LIN28A: variants seen among roughly 807,000 people sequenced by gnomAD.
LIN28A encodes the protein protein lin-28 homolog A.
LIN28A carries 11 observed loss-of-function variants against 21.1 expected under a neutral mutation model. The observed-to-expected ratio is 0.52, with a 90% confidence interval of 0.33 to 0.86. The LOEUF is 0.86. Among genes scored for constraint, LIN28A ranks in the 40% least tolerant of loss-of-function variants. The pLI is 0.03. For synonymous variants in LIN28A, 111 were observed against 108.7 expected (o/e 1.02, Z -0.13); for missense variants, 219 against 279.8 (o/e 0.78, Z 1.55).
At chr1:26,414,815 A>G (rs1201154728) in intron 2 of LIN28A, among the ~76,000 whole-genome samples, 1 of 152,204 alleles carries the variant, frequency 6.6e-6, no homozygotes, top group African/African-American at 2.4e-5. Context: ...CTTAGGTATG[A>G]CAACCAAAAA....
chr1:26,415,981 G>GCT, intron 2 of LIN28A, among the ~76,000 whole-genome samples: 1 of 152,184 alleles, frequency 6.6e-6, no homozygotes, highest in Admixed American at 6.5e-5. Context: ...TCTAGACAAT[G>GCT]TCTTTTTTTT....
chr1:26,425,189 GTA>G (rs1281682054), intron 2 of LIN28A, 112 bp from the exon 3 acceptor site: 43 of 1,027,754 alleles, frequency 4.2e-5, no homozygotes, highest in Non-Finnish European at 6.1e-5. Context: ...TTCCTTACCA[GTA>G]AAATAGGAGT....
rs1440064082 is a variant in LIN28A, at chr1:26,415,461, C to A, written c.228+3879C>A. Among the ~76,000 whole-genome samples, 4 of 152,192 alleles carry A rather than the reference C, an allele frequency of 2.6e-5. 1 individual carries two copies. In the South Asian group the frequency reaches 8.3e-4, roughly 31 times the overall value. ...TGAGGTACTGGTCTTATACCCTTCT[C>A]TATGTAACCCATAAGCTCTTTGAAG... On this transcript the variant is annotated intron_variant, in intron 2 of 3. Transcript: ENST00000326279.
chr1:26,422,618 G>A (rs2075034281), intron 2 of LIN28A, among the ~76,000 whole-genome samples: 1 of 152,068 alleles, frequency 6.6e-6, no homozygotes, highest in South Asian at 2.1e-4. Context: ...AGTCCTTAGT[G>A]CATCATATTA....
In LIN28A at chr1:26,428,038, A is replaced by C. The variant is rs942379102; in HGVS notation, c.*1580A>C. ...TGATCCTGGGTTCTTGTCTCCCCTA[A>C]ATGCTGCCCCCCAAGTTACTGTATT... On this transcript the variant is annotated 3_prime_UTR_variant, in exon 4 of 4. Transcript: ENST00000326279. 1 of 152,592 alleles carries C rather than the reference A, an allele frequency of 6.6e-6. No individual in the cohort carries two copies. Among genetic ancestry groups the C allele is most frequent in the Admixed American group, 6.5e-5 (1 of 15,276 alleles). The allele number at this position is 152,592 out of a possible 1,614,324, so 9.5% of individuals were successfully genotyped here. A position where few individuals can be genotyped will look rare whatever the true frequency, so the allele number is the denominator to read the frequency against.
rs2075080765 is a variant in LIN28A, at chr1:26,429,538, A to G, written c.*3080A>G. On this transcript the variant is annotated 3_prime_UTR_variant, in exon 4 of 4. Transcript: ENST00000326279. ...TTCCCTCATTCCTGAACTGCAGGAG[A>G]CTGAGCCCCTTTGGGCTTTGGTGAC... 6.6e-6 allele frequency: 1 copy of G among 152,286 alleles called. No homozygotes were observed. Among genetic ancestry groups the G allele is most frequent in the South Asian group, 2.1e-4 (1 of 4,812 alleles). The allele number at this position is 152,286 out of a possible 1,614,324, so 9.4% of individuals were successfully genotyped here.
Position 26,426,366 on chromosome 1 carries a change from C to A in LIN28A, c.538C>A (p.Gln180Lys), listed in dbSNP as rs2075059514. The A allele has an allele frequency of 6.2e-7, 1 of 1,614,188 alleles. No homozygotes were observed. The highest frequency in any genetic ancestry group is 8.5e-7 in the Non-Finnish European group (1 of 1,180,014). Residue 180 changes from glutamine to lysine, a missense_variant, in exon 4 of 4, where the codon CAG (glutamine) becomes AAG (lysine). Transcript: ENST00000326279. ...AGCCTCATGTCCGCTGAAGGCCCAG[C>A]AGGGCCCTAGTGCACAGGGAAAGCC... ...MVASCPLKAQ[Q>K]GPSAQGKPTY... is the part of the protein sequence containing the mutation.
intron 2 of LIN28A, among the ~76,000 whole-genome samples, chr1:26,417,449 A>G (rs2075000514): frequency 6.6e-6 from 1 of 152,210 alleles, no homozygotes; most frequent in Non-Finnish European, 1.5e-5. Context: ...GTGACACCAC[A>G]GGACTGAATC....
intron 2 of LIN28A, among the ~76,000 whole-genome samples, chr1:26,415,604 G>T (rs1267260559): frequency 6.6e-6 from 1 of 151,956 alleles, no homozygotes; most frequent in Non-Finnish European, 1.5e-5. Context: ...GCAGTCTGGG[G>T]TCCATGTTGG....
chr1:26,424,113 A>G (rs2075044648), intron 2 of LIN28A, among the ~76,000 whole-genome samples: 3 of 151,908 alleles, frequency 2.0e-5, no homozygotes, highest in African/African-American at 7.3e-5. Context: ...GATTATAAAA[A>G]TACCACTTGA....
At chr1:26,416,344 G>A (rs2074993439) in intron 2 of LIN28A, among the ~76,000 whole-genome samples, 1 of 152,128 alleles carries the variant, frequency 6.6e-6, no homozygotes, top group African/African-American at 2.4e-5. Flanking sequence ...TTCAAATATG[G>A]GATGTTTCTA....
chr1:26,420,649 A>C (rs1305503303), intron 2 of LIN28A, among the ~76,000 whole-genome samples: 1 of 151,266 alleles, frequency 6.6e-6, no homozygotes, highest in East Asian at 1.9e-4. Context: ...TGGTTCCTTC[A>C]TCTTGATGAA....
chr1:26,415,444 T>C (rs1189369873), intron 2 of LIN28A, among the ~76,000 whole-genome samples: 1 of 152,204 alleles, frequency 6.6e-6, no homozygotes, highest in African/African-American at 2.4e-5. Flanking sequence ...ATTGAGGTAC[T>C]GGTCTTATAC....
intron 2 of LIN28A, among the ~76,000 whole-genome samples, chr1:26,418,847 A>C (rs1398098547): frequency 7.2e-6 from 1 of 138,622 alleles, no homozygotes; most frequent in African/African-American, 2.7e-5. Context: ...GGGAAGGAAG[A>C]ATTTTCTATA....
chr1:26,418,889 A>G (rs1189395022), intron 2 of LIN28A, among the ~76,000 whole-genome samples: 1 of 152,078 alleles, frequency 6.6e-6, no homozygotes, highest in Non-Finnish European at 1.5e-5. Context: ...TAACCCCAAC[A>G]TAGAGAGGAA....
Position 26,411,717 on chromosome 1 carries a change from C to G in LIN28A, c.228+135C>G, listed in dbSNP as rs890558614. The G allele has an allele frequency of 1.2e-6, 1 of 842,014 alleles. No individual in the cohort carries two copies. The highest frequency in any genetic ancestry group is 1.9e-6 in the Non-Finnish European group (1 of 532,502). 52.2% of individuals were successfully genotyped at this position (842,014 alleles called of 1,614,324 possible). A position where few individuals can be genotyped will look rare whatever the true frequency, so the allele number is the denominator to read the frequency against. ...TGCATCCCTGTCTTTGCTTCGGCACCCCAATTCTGAGTCCCTGTTAACTAT... is the reference window on the plus strand; with the variant it reads ...TGCATCCCTGTCTTTGCTTCGGCACGCCAATTCTGAGTCCCTGTTAACTAT... On this transcript the variant is annotated intron_variant, in intron 2 of 3. Transcript: ENST00000326279. This position sits in a 1 kb window ranked among gnomAD's most constrained non-coding sequence, Gnocchi z 5.4.
At position 26,411,464 on chromosome 1, in the gene LIN28A, T is replaced by G; in HGVS notation, c.110T>G (p.Leu37Arg). The G allele has an allele frequency of 1.2e-6, 2 of 1,613,684 alleles. No individual in the cohort carries two copies. The highest frequency in any genetic ancestry group is 1.7e-6 in the Non-Finnish European group (2 of 1,179,842). ...DAARAADEPQ[L>R]LHGAGICKWF... ...GCCCGGGCGGCGGACGAGCCTCAGC[T>G]GCTGCACGGTGCGGGCATCTGTAAG... The change falls in exon 2 of 4, where the codon CTG (leucine) becomes CGG (arginine). Residue 37 changes from leucine to arginine, a missense_variant. This residue lies in a region of LIN28A where 124 missense variants were observed against 193.1 expected (regional missense o/e 0.64). Coordinates refer to ENST00000326279, the MANE Select transcript of LIN28A (RefSeq NM_024674.6). This position sits in a 1 kb window ranked among gnomAD's most constrained non-coding sequence, Gnocchi z 5.4.
chr1:26,414,603 C>T (rs183320326), intron 2 of LIN28A, among the ~76,000 whole-genome samples: 2 of 152,248 alleles, frequency 1.3e-5, no homozygotes, highest in East Asian at 1.9e-4. Flanking sequence ...AACTCTTTTC[C>T]TTAGGTACAC....
At chr1:26,419,844 C>T (rs2075018194) in intron 2 of LIN28A, among the ~76,000 whole-genome samples, 1 of 152,168 alleles carries the variant, frequency 6.6e-6, no homozygotes, top group Non-Finnish European at 1.5e-5. Flanking sequence ...GCAAATGAAG[C>T]TGGAATTGCT....
Sources: allele counts gnomAD v4.1 joint callset (sites outside exome capture counted in the v4.1 genomes callset), GRCh38; gene constraint gnomAD v4.1.1; regional missense constraint gnomAD v4.1.1; non-coding constraint Gnocchi (gnomAD v3.1); transcripts MANE v1.5; gene names NCBI Gene and HGNC (gene_info 2026-07-23, HGNC 2026-07-21).